Variants in RYR2 observed in about 807,000 individuals in gnomAD.
RYR2 encodes cardiac muscle ryanodine receptor-calcium release channel.
In RYR2, 227 loss-of-function variants were observed where a neutral mutation model predicts 601.1. The observed-to-expected ratio is 0.38, with a 90% CI of 0.34 to 0.42. The LOEUF (loss-of-function observed/expected upper bound fraction) is 0.42, where lower values mean the gene tolerates loss of function less well. Among genes scored for constraint, RYR2 ranks in the 10% least tolerant of loss-of-function variants. RYR2 has a pLI of 1.00. For synonymous variants in RYR2, 2,223 were observed against 2,175.1 expected (o/e 1.02, Z -0.61); for missense variants, 4,646 against 6,156.5 (o/e 0.75, Z 8.21).
At chr1:237,438,326 T>A (rs1707591709) in intron 12 of RYR2, among the ~76,000 whole-genome samples, 1 of 152,186 alleles carries the variant, frequency 6.6e-6, no homozygotes, top group Non-Finnish European at 1.5e-5. Flanking sequence ...TTTTTGTTTT[T>A]CCAAAAAATA....
At chr1:237,272,628 A>G (rs1689815423) in intron 2 of RYR2, among the ~76,000 whole-genome samples, 1 of 149,300 alleles carries the variant, frequency 6.7e-6, no homozygotes, top group Non-Finnish European at 1.5e-5. Flanking sequence ...TTATATGTGT[A>G]TATATTGTTT....
chr1:237,782,159 C>G (rs1037412423), intron 89 of RYR2, among the ~76,000 whole-genome samples: 3 of 149,456 alleles, frequency 2.0e-5, no homozygotes, highest in African/African-American at 7.4e-5. Flanking sequence ...TTTTTTCTTC[C>G]CAGCTTATTT....
intron 80 of RYR2, among the ~76,000 whole-genome samples, chr1:237,744,952 A>G (rs1691948922): frequency 6.6e-6 from 1 of 151,636 alleles, no homozygotes; most frequent in South Asian, 2.1e-4. Flanking sequence ...GCGCGCCACC[A>G]CGCCCGGCTA....
intron 1 of RYR2, among the ~76,000 whole-genome samples, chr1:237,255,304 A>G (rs112412864): frequency 0.022 from 3,396 of 152,270 alleles, 52 homozygotes; most frequent in Non-Finnish European, 0.038. Context: ...GTCTTTTTAG[A>G]TCTGATATTT....
intron 2 of RYR2, among the ~76,000 whole-genome samples, chr1:237,273,400 A>T (rs1470027475): frequency 1.3e-5 from 2 of 152,102 alleles, no homozygotes; most frequent in African/African-American, 2.4e-5. Context: ...CCTGGTTCCT[A>T]AGGGGCCACT....
At chr1:237,264,374 G>A (rs1267308598) in intron 1 of RYR2, among the ~76,000 whole-genome samples, 2 of 152,160 alleles carry the variant, frequency 1.3e-5, no homozygotes, top group African/African-American at 4.8e-5. Flanking sequence ...ACTAAGGCTT[G>A]TATATATCTG....
rs1674745737 is a variant in RYR2 at position 237,151,940 on chromosome 1, C to T, written c.48+109371C>T. On this transcript the variant is annotated intron_variant, in intron 1 of 104. Coordinates refer to ENST00000366574, the MANE Select transcript of RYR2 (RefSeq NM_001035.3). ...TGTGCCATGGGTGGTTTGCTGCACC[C>T]ATCAACTCGTCACCTAGGTATTAAG... 2.0e-5 allele frequency among the ~76,000 whole-genome samples: 3 copies of T among 152,194 alleles called. No individual in the cohort carries two copies. The South Asian group carries it at 6.2e-4, about 32-fold the overall frequency.
intron 1 of RYR2, among the ~76,000 whole-genome samples, chr1:237,225,523 C>T (rs1013245127): frequency 2.6e-5 from 4 of 152,100 alleles, no homozygotes; most frequent in African/African-American, 9.7e-5. Context: ...GGGAAACCTC[C>T]CCCATGATTC....
chr1:237,387,760 GT>G, intron 9 of RYR2, among the ~76,000 whole-genome samples: 1 of 152,272 alleles, frequency 6.6e-6, no homozygotes, highest in African/African-American at 2.4e-5. Context: ...AAGGAGCAGG[GT>G]TTCCTAGGGA....
At chr1:237,244,574 C>T (rs1395410097) in intron 1 of RYR2, among the ~76,000 whole-genome samples, 2 of 152,112 alleles carry the variant, frequency 1.3e-5, no homozygotes, top group East Asian at 3.9e-4. Flanking sequence ...AATGTGTTGG[C>T]CCTACATAAA....
intron 104 of RYR2, 100 bp from the exon 105 acceptor site, chr1:237,832,452 C>T: frequency 1.5e-6 from 1 of 680,312 alleles, no homozygotes; most frequent in Non-Finnish European, 2.6e-6. Flanking sequence ...GTGGACTTCT[C>T]TATTCCGTGC....
At chr1:237,522,760 TAACA>T (rs780140486) in intron 24 of RYR2, among the ~76,000 whole-genome samples, 27 of 152,232 alleles carry the variant, frequency 1.8e-4, no homozygotes, top group Non-Finnish European at 3.5e-4. Context: ...ATTTGCTTCC[TAACA>T]GTCTGTTTAC....
chr1:237,186,688 G>A (rs922828452), intron 1 of RYR2, among the ~76,000 whole-genome samples: 6 of 152,178 alleles, frequency 3.9e-5, no homozygotes, highest in African/African-American at 1.4e-4. Flanking sequence ...GTGCCGAAAA[G>A]CACAGGCTGA....
chr1:237,694,171 G>A (rs140502095), intron 63 of RYR2, among the ~76,000 whole-genome samples: 2,000 of 151,896 alleles, frequency 0.013, 30 homozygotes, highest in African/African-American at 0.045. Context: ...GCAGGCGCCT[G>A]TAGTCCCAGC....
At chr1:237,713,239 C>T (rs576970660) in intron 71 of RYR2, among the ~76,000 whole-genome samples, 1 of 152,068 alleles carries the variant, frequency 6.6e-6, no homozygotes, top group Non-Finnish European at 1.5e-5. Context: ...TGTCATAGAA[C>T]CTAGAGTGAG....
chr1:237,186,924 C>T (rs1350975666), intron 1 of RYR2, among the ~76,000 whole-genome samples: 3 of 152,296 alleles, frequency 2.0e-5, no homozygotes, highest in Non-Finnish European at 2.9e-5. Context: ...CTTGCTCTGC[C>T]GGCCTTGAGC....
intron 1 of RYR2, among the ~76,000 whole-genome samples, chr1:237,134,303 T>C (rs1241144247): frequency 6.6e-6 from 1 of 152,150 alleles, no homozygotes; most frequent in African/African-American, 2.4e-5. Context: ...AGTGTATTTG[T>C]CCATGTTCAT....
intron 29 of RYR2, among the ~76,000 whole-genome samples, chr1:237,580,426 G>T (rs1673778375): frequency 6.6e-6 from 1 of 151,396 alleles, no homozygotes. Flanking sequence ...AAAGGTGTTG[G>T]GATTACAGGC....
At position 237,492,323 on chromosome 1, in the gene RYR2, C is replaced by T. The variant is rs144322913; in HGVS notation, c.1827+399C>T. Among the ~76,000 whole-genome samples, 16 of 152,282 alleles carry T rather than the reference C, an allele frequency of 1.1e-4. No homozygotes were observed. In the East Asian group the frequency reaches 1.4e-3, roughly 13 times the overall value. On this transcript the variant is annotated intron_variant, in intron 18 of 104. Transcript: ENST00000366574. Reference sequence around the variant, plus strand: ...CTGGGATTACAGGCATGAGCCACCGCGCCTGGGCTTCATCTCTTAATCATG... The same window carrying T: ...CTGGGATTACAGGCATGAGCCACCGTGCCTGGGCTTCATCTCTTAATCATG...
Sources: allele counts gnomAD v4.1 joint callset (sites outside exome capture counted in the v4.1 genomes callset), GRCh38; gene constraint gnomAD v4.1.1; transcripts MANE v1.5; gene names NCBI Gene and HGNC (gene_info 2026-07-23, HGNC 2026-07-21).